The following COL11A1 variants were observed in gnomAD, a reference collection of about 807,000 sequenced individuals.
COL11A1 encodes collagen type XI alpha 1 chain, also known as collagen alpha-1(XI) chain.
Under a neutral mutation model 265.2 loss-of-function variants are expected in COL11A1, and 74 were observed. The ratio of observed to expected loss-of-function variants is 0.28; its 90% CI spans 0.23 to 0.34. The LOEUF (loss-of-function observed/expected upper bound fraction) is 0.34, where lower values mean the gene tolerates loss of function less well. COL11A1 is among the 10% of genes least tolerant of loss of function. The pLI is 1.00. For missense variants in COL11A1, 2,165 were observed against 2,263.6 expected (o/e 0.96, Z 0.88); for synonymous variants, 816 against 727.6 (o/e 1.12, Z -1.96).
At chr1:102,929,475 T>C (rs1468087902) in intron 46 of COL11A1, among the ~76,000 whole-genome samples, 1 of 152,146 alleles carries the variant, frequency 6.6e-6, no homozygotes, top group Middle Eastern at 3.2e-3. Context: ...ACCAGTACCA[T>C]GCTGTTTTGG....
chr1:102,997,892 C>G (rs1478986808), intron 25 of COL11A1, among the ~76,000 whole-genome samples: 1 of 151,886 alleles, frequency 6.6e-6, no homozygotes, highest in African/African-American at 2.4e-5. Context: ...TGAGGAACTT[C>G]ACCTGGACTC....
chr1:103,060,696 A>T, intron 4 of COL11A1, among the ~76,000 whole-genome samples: 1 of 152,110 alleles, frequency 6.6e-6, no homozygotes, highest in Admixed American at 6.6e-5. Flanking sequence ...GTGAGGCGGC[A>T]CATGCATTTA....
chr1:103,007,319 A>G lies in COL11A1; in HGVS notation c.1684-1004T>C, dbSNP rs539632439. Among the ~76,000 whole-genome samples the G allele has an allele frequency of 1.3e-4, 20 of 152,286 alleles. No homozygotes were observed. The South Asian group carries it at 3.7e-3, about 28-fold the overall frequency. On this transcript the variant is annotated intron_variant, in intron 15 of 66. Coordinates refer to ENST00000370096, the MANE Select transcript of COL11A1 (RefSeq NM_001854.4). ...GCAGTACACCATAATGTGTCAATAT[A>G]TACTTTTCGTGGGGATCGATATACA...
At chr1:103,090,569 T>G (rs1292618428) in intron 1 of COL11A1, among the ~76,000 whole-genome samples, 1 of 152,196 alleles carries the variant, frequency 6.6e-6, no homozygotes, top group Non-Finnish European at 1.5e-5. Context: ...CTAATCCAAA[T>G]TCAGTAGTTA....
intron 4 of COL11A1, among the ~76,000 whole-genome samples, chr1:103,071,738 G>A (rs1671606406): frequency 6.9e-6 from 1 of 144,822 alleles, no homozygotes; most frequent in African/African-American, 2.5e-5. Flanking sequence ...ACTGTTAGTT[G>A]CCCATATCAA....
chr1:102,906,772 A>G (rs1410052456), intron 54 of COL11A1, among the ~76,000 whole-genome samples: 1 of 151,438 alleles, frequency 6.6e-6, no homozygotes, highest in Non-Finnish European at 1.5e-5. Context: ...ATGTTGAGGT[A>G]GAGTTATTGA....
intron 49 of COL11A1, among the ~76,000 whole-genome samples, chr1:102,919,581 G>T (rs1381472085): frequency 6.6e-6 from 1 of 151,770 alleles, no homozygotes; most frequent in South Asian, 2.1e-4. Flanking sequence ...CTGAAAATTG[G>T]TAGTTTATTT....
chr1:102,965,357 A>C, intron 38 of COL11A1, 130 bp downstream of exon 38: 1 of 956,978 alleles, frequency 1.0e-6, no homozygotes, highest in Non-Finnish European at 1.7e-6. Context: ...GCATATATTT[A>C]AATGCAATCT....
At chr1:102,990,844 C>T (rs1045572512) in intron 28 of COL11A1, among the ~76,000 whole-genome samples, 2 of 151,782 alleles carry the variant, frequency 1.3e-5, no homozygotes, top group African/African-American at 4.8e-5. Flanking sequence ...ACCAGCCTGG[C>T]CAACATGGTG....
At chr1:102,905,459 G>A (rs1007852289) in intron 54 of COL11A1, among the ~76,000 whole-genome samples, 1 of 148,294 alleles carries the variant, frequency 6.7e-6, no homozygotes, top group Admixed American at 6.8e-5. Context: ...GAGGGAGGAA[G>A]GAAAATTAGT....
intron 41 of COL11A1, among the ~76,000 whole-genome samples, chr1:102,949,491 C>T (rs1426521032): frequency 2.0e-5 from 3 of 150,010 alleles, no homozygotes; most frequent in African/African-American, 5.1e-5. Context: ...TAGGCTATGG[C>T]GAAGTTGATG....
chr1:102,966,709 A>G (rs1661433962), intron 37 of COL11A1, among the ~76,000 whole-genome samples: 1 of 978 alleles, frequency 1.0e-3, no homozygotes, highest in Non-Finnish European at 5.4e-3. Flanking sequence ...ACATACACAC[A>G]TACCTAAACA....
chr1:103,076,961 T>C (rs535278138), intron 3 of COL11A1, among the ~76,000 whole-genome samples: 13 of 152,134 alleles, frequency 8.5e-5, no homozygotes, highest in Non-Finnish European at 1.3e-4. Context: ...TATTTTTGCA[T>C]CTAAATTATT....
Position 103,082,950 on chromosome 1 carries a change from T to C in COL11A1, c.129A>G (p.Lys43=), listed in dbSNP as rs1408601971. 5 of 1,613,116 alleles carry C rather than the reference T, an allele frequency of 3.1e-6. No homozygotes were observed. The highest frequency in any genetic ancestry group is 1.7e-4 in the Middle Eastern group (1 of 6,058). The change falls in exon 2 of 67, where the codon AAA becomes AAG. Residue 43 remains lysine (K), a synonymous_variant. Coordinates refer to ENST00000370096, the MANE Select transcript of COL11A1 (RefSeq NM_001854.4). ...VRGAAPVDVL[K]ALDFHNSPEG... ...CTGGAGAATTGTGAAAATCTAGTGC[T>C]TTTAGTACATCAACTGGAGCAGCTG... is the stretch of plus-strand genomic sequence containing the variant.
intron 4 of COL11A1, among the ~76,000 whole-genome samples, chr1:103,071,226 C>T (rs955555699): frequency 6.6e-6 from 1 of 150,816 alleles, no homozygotes; most frequent in African/African-American, 2.4e-5. Flanking sequence ...GAAAGACCTG[C>T]AATAATCTGT....
chr1:102,968,650 A>C (rs1361818148), intron 37 of COL11A1, among the ~76,000 whole-genome samples: 2 of 152,204 alleles, frequency 1.3e-5, no homozygotes, highest in African/African-American at 2.4e-5. Context: ...GCAGAGAACA[A>C]AGTGAGAAAG....
Position 102,940,440 on chromosome 1 carries a change from T to C in COL11A1, c.3277-6A>G. On this transcript the variant is annotated splice_polypyrimidine_tract_variant and splice_region_variant and intron_variant, in intron 42 of 66. Coordinates refer to ENST00000370096, the MANE Select transcript of COL11A1 (RefSeq NM_001854.4). Reference sequence around the variant, plus strand: ...CCTTGGGGACCTTTTTCTCCCTGTATTGAATATCCAAAGATCATTAATTTT... The same window carrying C: ...CCTTGGGGACCTTTTTCTCCCTGTACTGAATATCCAAAGATCATTAATTTT... The C allele has an allele frequency of 6.2e-7, 1 of 1,600,542 alleles. No individual in the cohort carries two copies. Among genetic ancestry groups the C allele is most frequent in the Non-Finnish European group, 8.6e-7 (1 of 1,168,030 alleles).
Position 102,878,164 on chromosome 1 carries a change from G to T in COL11A1, c.5276C>A (p.Ser1759Tyr). 2 of 1,609,640 alleles carry T rather than the reference G, an allele frequency of 1.2e-6. No individual in the cohort carries two copies. Among genetic ancestry groups the T allele is most frequent in the South Asian group, 2.2e-5 (2 of 90,598 alleles). Residue 1759 changes from serine to tyrosine, a missense_variant and splice_region_variant, in exon 67 of 67, where the codon TCC (serine) becomes TAC (tyrosine). Transcript: ENST00000370096. ...FIKTLYDGCA[S>Y]RKGYEKTVIE... ...GACAGTCTTTTCATAGCCTTTTCTGGACTGTAAAATAAAGCAGAAATAAAA... is the reference window on the plus strand; with the variant it reads ...GACAGTCTTTTCATAGCCTTTTCTGTACTGTAAAATAAAGCAGAAATAAAA...
intron 53 of COL11A1, 97 bp downstream of exon 53, chr1:102,913,540 G>C (rs1654949351): frequency 4.2e-6 from 5 of 1,176,952 alleles, no homozygotes; most frequent in Middle Eastern, 3.9e-4. Flanking sequence ...CATATACATA[G>C]AGCTATGTTT....
Sources: gnomAD v4.1 joint callset for allele counts (sites outside exome capture counted in the v4.1 genomes callset) on GRCh38, gnomAD v4.1.1 for gene constraint, MANE v1.5 for transcripts, NCBI Gene and HGNC (gene_info 2026-07-23, HGNC 2026-07-21) for gene names.